Variants in GARIN5B observed in about 807,000 individuals in gnomAD.
GARIN5B encodes the protein Golgi-associated RAB2 interactor protein 5B.
chr19:55,355,023 G>A, the GARIN5B span: 1 of 261,096 alleles, frequency 3.8e-6, no homozygotes, highest in East Asian at 1.0e-4. Context: ...GTATCTACCA[G>A]AGGGGGCAAA....
the GARIN5B span, chr19:55,360,899 G>C: frequency 1.3e-6 from 2 of 1,543,906 alleles, no homozygotes; most frequent in South Asian, 2.4e-5. Context: ...GGGGGTCTGA[G>C]TGGGACCTGC....
At chr19:55,361,161 C>A in the GARIN5B span, 1 of 1,551,326 alleles carries the variant, frequency 6.4e-7, no homozygotes, top group Non-Finnish European at 8.7e-7. Flanking sequence ...CCCACACCAC[C>A]CCGCCGGCTC....
the GARIN5B span, chr19:55,360,559 GC>G: frequency 9.3e-7 from 1 of 1,069,584 alleles, no homozygotes; most frequent in Non-Finnish European, 1.3e-6. Context: ...AGGAGTCCAG[GC>G]CCCCCACCCC....
chr19:55,355,091 G>A, the GARIN5B span: 3 of 390,622 alleles, frequency 7.7e-6, no homozygotes, highest in African/African-American at 2.1e-5. Context: ...CAGAACCCTC[G>A]GGGCCTGTGG....
At chr19:55,362,684 G>C in the GARIN5B span, 2 of 1,544,662 alleles carry the variant, frequency 1.3e-6, no homozygotes, top group Non-Finnish European at 1.7e-6. Context: ...CCCATGGCCA[G>C]CCGGTTGGTT....
the GARIN5B span, among the ~76,000 whole-genome samples, chr19:55,357,166 G>T: frequency 6.6e-6 from 1 of 152,134 alleles, no homozygotes; most frequent in Non-Finnish European, 1.5e-5. Context: ...GTCTCTACGG[G>T]TCAGCCTGTT....
At chr19:55,360,602 G>T in the GARIN5B span, 1 of 1,413,496 alleles carries the variant, frequency 7.1e-7, no homozygotes. Flanking sequence ...CCAGGTCCCA[G>T]CCTCTCCTCC....
chr19:55,358,699 G>A, the GARIN5B span: 2 of 1,550,958 alleles, frequency 1.3e-6, no homozygotes, highest in Non-Finnish European at 1.7e-6. Flanking sequence ...GAGTCGCCAA[G>A]AGCCAGGAGG....
chr19:55,358,647 G>A, the GARIN5B span: 254 of 1,551,200 alleles, frequency 1.6e-4, 1 homozygote, highest in Admixed American at 3.1e-4. Flanking sequence ...TGGCCGGGGC[G>A]GGAGGGCACT....
chr19:55,356,510 C>G, the GARIN5B span, among the ~76,000 whole-genome samples: 2 of 151,926 alleles, frequency 1.3e-5, no homozygotes, highest in African/African-American at 4.8e-5. Flanking sequence ...GTTTCACCAT[C>G]TTGGCCAGGC....
At chr19:55,356,817 G>A in the GARIN5B span, among the ~76,000 whole-genome samples, 2 of 151,888 alleles carry the variant, frequency 1.3e-5, no homozygotes, top group Admixed American at 6.6e-5. Flanking sequence ...TTGGGAGGCC[G>A]AGGTGGGCAG....
the GARIN5B span, chr19:55,359,567 G>C: frequency 1.3e-6 from 2 of 1,551,386 alleles, no homozygotes; most frequent in South Asian, 2.4e-5. Flanking sequence ...AGCCAATCCA[G>C]GTGGGGGTTT....
At chr19:55,361,026 G>A in the GARIN5B span, 32 of 1,550,862 alleles carry the variant, frequency 2.1e-5, no homozygotes, top group African/African-American at 4.1e-5. Context: ...TCTTCCTGAC[G>A]TCAGCATGCT....
At chr19:55,358,169 G>A in the GARIN5B span, 12 of 1,507,618 alleles carry the variant, frequency 8.0e-6, no homozygotes, top group Middle Eastern at 1.7e-4. Context: ...CAAGACGCCC[G>A]ATTCCTCCTG....
chr19:55,359,360 G>T, the GARIN5B span: 1 of 1,549,750 alleles, frequency 6.5e-7, no homozygotes. Flanking sequence ...AGATGGGGGT[G>T]GGGTCTTCTG....
At chr19:55,361,601 T>TCCCCCAGCCACTCCTCCCTCAGAC in the GARIN5B span, among the ~76,000 whole-genome samples, 1 of 119,204 alleles carries the variant, frequency 8.4e-6, no homozygotes, top group African/African-American at 3.3e-5. Flanking sequence ...GACCCAGGAG[T>TCCCCCAGCCACTCCTCCCTCAGAC]CCAGGCCCCC....
the GARIN5B span, chr19:55,358,269 C>T: frequency 6.4e-7 from 1 of 1,551,024 alleles, no homozygotes; most frequent in South Asian, 1.2e-5. Flanking sequence ...CCCACAGTGG[C>T]CAGGGGGTGC....
the GARIN5B span, chr19:55,362,495 G>A: frequency 1.3e-6 from 2 of 1,544,544 alleles, no homozygotes; most frequent in South Asian, 1.2e-5. Flanking sequence ...GAGGTCCAGG[G>A]GGATCATCCT....
chr19:55,362,265 C>T, the GARIN5B span: 4 of 1,538,462 alleles, frequency 2.6e-6, no homozygotes, highest in Admixed American at 2.0e-5. Flanking sequence ...CAGGTGGAGG[C>T]AGGCGCTTCG....
Sources: gnomAD v4.1 joint callset for allele counts (sites outside exome capture counted in the v4.1 genomes callset) on GRCh38, gnomAD v4.1.1 for gene constraint, MANE v1.5 for transcripts, NCBI Gene and HGNC (gene_info 2026-07-23, HGNC 2026-07-21) for gene names.